Variants in FANCI observed in about 807,000 individuals in gnomAD.
FANCI encodes Fanconi anemia group I protein.
FANCI carries 156 observed loss-of-function variants against 176.1 expected under a neutral mutation model. That is an observed-to-expected ratio of 0.89 (90% CI 0.78 to 1.01). The LOEUF is 1.01. Among genes scored for constraint, FANCI ranks in the 50% least tolerant of loss-of-function variants. The pLI is 0.00. For missense variants in FANCI, 1,678 were observed against 1,534.1 expected (o/e 1.09, Z -1.57); for synonymous variants, 613 against 541.7 (o/e 1.13, Z -1.83).
intron 3 of FANCI, chr15:89,259,045 C>G (rs1431957532): frequency 2.3e-6 from 1 of 428,906 alleles, no homozygotes; most frequent in Non-Finnish European, 4.4e-6. Context: ...CTTTGGTTTA[C>G]TTGTGCTTTT....
At chr15:89,297,763 G>GTGGGGAGAGGGAGACCA (rs2054361266) in intron 24 of FANCI, among the ~76,000 whole-genome samples, 1 of 148,080 alleles carries the variant, frequency 6.8e-6, no homozygotes. Flanking sequence ...GAGGGAGACC[G>GTGGGGAGAGGGAGACCA]TGGGGAGAGG....
chr15:89,251,633 C>T (rs985424104), intron 2 of FANCI, among the ~76,000 whole-genome samples: 4 of 152,022 alleles, frequency 2.6e-5, no homozygotes, highest in Non-Finnish European at 5.9e-5. Context: ...CAGATTGCAA[C>T]ACCACATTTA....
chr15:89,295,654 G>A (rs1433338317), intron 24 of FANCI, among the ~76,000 whole-genome samples: 2 of 151,118 alleles, frequency 1.3e-5, no homozygotes, highest in Admixed American at 1.3e-4. Flanking sequence ...CAACAAGAGC[G>A]AAACTCCATC....
At chr15:89,286,699 C>G (rs1023826315) in intron 18 of FANCI, among the ~76,000 whole-genome samples, 1 of 152,074 alleles carries the variant, frequency 6.6e-6, no homozygotes, top group Non-Finnish European at 1.5e-5. Context: ...CTTAAGGGCC[C>G]TAGGATTTTT....
At chr15:89,255,714 C>A (rs2052464045) in intron 2 of FANCI, among the ~76,000 whole-genome samples, 1 of 152,064 alleles carries the variant, frequency 6.6e-6, no homozygotes, top group South Asian at 2.1e-4. Flanking sequence ...TTACAGTCTG[C>A]CAATTAATTT....
rs147639398 is a variant in FANCI, at chr15:89,266,419, C to T, written c.755+1812C>T. On this transcript the variant is annotated intron_variant, in intron 9 of 37. Transcript: ENST00000310775. ...TGTCAGGTCACTGCAAACTCTGCCT[C>T]CTGGGTTCAAGCGATCCTCCTGCCT... Among the ~76,000 whole-genome samples the T allele has an allele frequency of 1.7e-3, 252 of 151,284 alleles. 1 individual carries two copies. Among genetic ancestry groups the T allele is most frequent in the Non-Finnish European group, 2.5e-3 (170 of 67,856 alleles).
chr15:89,277,611 C>CAAAAAAAAAAAAAAAAAAA (rs554395033), intron 13 of FANCI, among the ~76,000 whole-genome samples: 1 of 48,950 alleles, frequency 2.0e-5, no homozygotes, highest in Non-Finnish European at 5.3e-5. Flanking sequence ...GATCCTATCT[C>CAAAAAAAAAAAAAAAAAAA]AAAAAAAAAA....
chr15:89,264,825 C>G (rs547591602), intron 9 of FANCI, among the ~76,000 whole-genome samples: 2 of 152,312 alleles, frequency 1.3e-5, no homozygotes, highest in South Asian at 4.1e-4. Flanking sequence ...CTATAAGCTG[C>G]AAGTTTAAAA....
intron 28 of FANCI, among the ~76,000 whole-genome samples, chr15:89,304,869 T>C (rs1460617528): frequency 6.6e-6 from 1 of 152,082 alleles, no homozygotes; most frequent in Non-Finnish European, 1.5e-5. Flanking sequence ...CTCCGCCTCC[T>C]GGGTTCAAGC....
At position 89,273,416 on chromosome 15, in the gene FANCI, T is replaced by G; in HGVS notation, c.922T>G (p.Phe308Val). Residue 308 changes from phenylalanine to valine, a missense_variant, in exon 11 of 38, where the codon TTC becomes GTC. Phe to Val is a conservative substitution (Grantham distance 50, BLOSUM62 -1). This residue lies in a region of FANCI where 469 missense variants were observed against 436.9 expected (regional missense o/e 1.07). Transcript: ENST00000310775. Reference sequence around the variant, plus strand: ...AGATTCCAATAATAACTTAAGTCCCTTCAGCATTGCTCTTCTTCTGTCTGT... The same window carrying G: ...AGATTCCAATAATAACTTAAGTCCCGTCAGCATTGCTCTTCTTCTGTCTGT... ...QGDSNNNLSP[F>V]SIALLLSVTR... is the part of the protein sequence containing the mutation. The G allele has an allele frequency of 6.2e-7, 1 of 1,609,444 alleles. No homozygotes were observed. The highest frequency in any genetic ancestry group is 8.5e-7 in the Non-Finnish European group (1 of 1,177,172).
At chr15:89,286,176 A>G (rs1308203578) in intron 18 of FANCI, among the ~76,000 whole-genome samples, 5 of 152,160 alleles carry the variant, frequency 3.3e-5, no homozygotes, top group Non-Finnish European at 7.4e-5. Flanking sequence ...TATTTTTAGT[A>G]GAGATGGGAT....
At chr15:89,313,715 C>T (rs1567179607) in intron 35 of FANCI, among the ~76,000 whole-genome samples, 1 of 152,020 alleles carries the variant, frequency 6.6e-6, no homozygotes, top group Non-Finnish European at 1.5e-5. Flanking sequence ...GTCCTCACAA[C>T]ATTATTTATA....
chr15:89,261,992 T>A, intron 6 of FANCI, 114 bp downstream of exon 6: 1 of 871,864 alleles, frequency 1.1e-6, no homozygotes, highest in Non-Finnish European at 1.9e-6. Context: ...TTGTTGTTTT[T>A]AATATAACAC....
At chr15:89,291,279 T>C (rs2054057765) in intron 19 of FANCI, among the ~76,000 whole-genome samples, 1 of 152,158 alleles carries the variant, frequency 6.6e-6, no homozygotes, top group Non-Finnish European at 1.5e-5. Context: ...AAACCAGTAA[T>C]AAGTAGTGGT....
intron 1 of FANCI, 39 bp from the exon 2 acceptor site, chr15:89,247,590 C>G: frequency 2.1e-6 from 3 of 1,404,660 alleles, no homozygotes; most frequent in South Asian, 2.3e-5. Flanking sequence ...TTGTTTATTT[C>G]TGGAATCTTC....
chr15:89,316,995 T>C lies in FANCI; in HGVS notation c.*536T>C, dbSNP rs1274014365. ...TAGGAGGGTCTGTTTTCTTTTTATA[T>C]AAGTGTGTCTTAGATATATTTTAAA... is the stretch of plus-strand genomic sequence containing the variant. On this transcript the variant is annotated 3_prime_UTR_variant, in exon 38 of 38. Coordinates refer to ENST00000310775, the MANE Select transcript of FANCI (RefSeq NM_001113378.2). 3.1e-6 allele frequency: 2 copies of C among 653,052 alleles called. No homozygotes were observed. The highest frequency in any genetic ancestry group is 1.7e-5 in the South Asian group (1 of 58,368). The allele number at this position is 653,052 out of a possible 1,614,324, so 40.5% of individuals were successfully genotyped here.
At chr15:89,271,627 T>C (rs960326809) in intron 10 of FANCI, among the ~76,000 whole-genome samples, 1 of 152,180 alleles carries the variant, frequency 6.6e-6, no homozygotes, top group African/African-American at 2.4e-5. Context: ...GAGTTCTGAC[T>C]AGCTAGGACC....
intron 18 of FANCI, among the ~76,000 whole-genome samples, chr15:89,289,806 T>A (rs2053990739): frequency 6.6e-6 from 1 of 151,632 alleles, no homozygotes; most frequent in African/African-American, 2.4e-5. Flanking sequence ...CCTTCATACC[T>A]CAGCCTCCCG....
chr15:89,274,828 CTTCTGAG>C (rs2053346856), intron 12 of FANCI, among the ~76,000 whole-genome samples: 3 of 151,818 alleles, frequency 2.0e-5, no homozygotes, highest in Non-Finnish European at 4.4e-5. Flanking sequence ...TGGTCTTGAA[CTTCTGAG>C]CTCAAGCAAT....
Sources: allele counts gnomAD v4.1 joint callset (sites outside exome capture counted in the v4.1 genomes callset), GRCh38; gene constraint gnomAD v4.1.1; regional missense constraint gnomAD v4.1.1; transcripts MANE v1.5; gene names NCBI Gene and HGNC (gene_info 2026-07-23, HGNC 2026-07-21).